The following SOCS2 variants were observed in gnomAD, a reference collection of about 807,000 sequenced individuals.
The protein encoded by SOCS2 is CIS-2.
SOCS2 carries 10 observed loss-of-function variants against 18.6 expected under a neutral mutation model. The observed-to-expected ratio is 0.54, with a 90% confidence interval of 0.33 to 0.91. SOCS2 has a LOEUF of 0.91. Among genes scored for constraint, SOCS2 ranks in the 40% least tolerant of loss-of-function variants. The pLI is 0.02. For missense variants in SOCS2, 231 were observed against 247.2 expected, an observed-to-expected ratio of 0.93 and a Z score of 0.44; for synonymous variants, 104 against 104.0, an observed-to-expected ratio of 1.00 and a Z score of 0.00.
the SOCS2 span, among the ~76,000 whole-genome samples, chr12:93,618,152 G>T: frequency 6.6e-6 from 1 of 152,130 alleles, no homozygotes; most frequent in African/African-American, 2.4e-5. Context: ...AGATGTGCCT[G>T]CTTACCCTTT....
chr12:93,599,836 C>G, the SOCS2 span, among the ~76,000 whole-genome samples: 2 of 152,168 alleles, frequency 1.3e-5, no homozygotes, highest in Non-Finnish European at 1.5e-5. Flanking sequence ...AAGGCCCTTG[C>G]CAGATGCTGG....
At chr12:93,603,082 C>T in the SOCS2 span, among the ~76,000 whole-genome samples, 5 of 152,246 alleles carry the variant, frequency 3.3e-5, no homozygotes, top group South Asian at 2.1e-4. Context: ...GAGACCAAGT[C>T]GTAGCTGTTC....
At chr12:93,577,334 T>G (rs181297021), downstream of SOCS2, among the ~76,000 whole-genome samples, 12 of 152,150 alleles carry the variant, frequency 7.9e-5, no homozygotes, top group African/African-American at 2.4e-4. Flanking sequence ...TTTTTGGTTT[T>G]GTTTTGTTTT....
At chr12:93,590,273 T>G in the SOCS2 span, among the ~76,000 whole-genome samples, 1 of 151,886 alleles carries the variant, frequency 6.6e-6, no homozygotes, top group Non-Finnish European at 1.5e-5. Context: ...TATTTGGACT[T>G]TTAAGCATTA....
At chr12:93,616,022 T>C in the SOCS2 span, among the ~76,000 whole-genome samples, 1 of 152,244 alleles carries the variant, frequency 6.6e-6, no homozygotes, top group Non-Finnish European at 1.5e-5. Context: ...CTAAGGAAGA[T>C]ATCCATTGCT....
chr12:93,614,480 T>TTTCTTTCC, the SOCS2 span, among the ~76,000 whole-genome samples: 3 of 26,150 alleles, frequency 1.1e-4, no homozygotes, highest in South Asian at 1.6e-3. Flanking sequence ...CCTTCCTTCC[T>TTTCTTTCC]TTCCTTCCTT....
In SOCS2 at chr12:93,575,019, G is replaced by T; in HGVS notation, c.437G>T (p.Gly146Val). Residue 146 changes from glycine to valine, a missense_variant, in exon 2 of 2, where the codon GGC becomes GTC. Gly to Val is a moderately radical substitution (Grantham distance 109, BLOSUM62 -3). Coordinates refer to ENST00000551556, the MANE Select transcript of SOCS2 (RefSeq NM_001270471.2). ...ACAGGTCCAGAAGCCCCCCGGAACG[G>T]CACTGTTCACCTTTATCTGACCAAA... ...KRTGPEAPRN[G>V]TVHLYLTKPL... The T allele has an allele frequency of 6.2e-7, 1 of 1,614,056 alleles. No individual in the cohort carries two copies. Among genetic ancestry groups the T allele is most frequent in the Non-Finnish European group, 8.5e-7 (1 of 1,179,960 alleles).
At chr12:93,620,956 A>G in the SOCS2 span, among the ~76,000 whole-genome samples, 1 of 152,146 alleles carries the variant, frequency 6.6e-6, no homozygotes, top group African/African-American at 2.4e-5. Flanking sequence ...GTCCAGCCAT[A>G]TCCATCTATC....
intron 1 of SOCS2, 124 bp from the exon 2 acceptor site, chr12:93,574,598 C>A (rs1439669939): frequency 3.2e-6 from 2 of 628,994 alleles, no homozygotes; most frequent in Non-Finnish European, 4.9e-6. Flanking sequence ...CGCTCACACA[C>A]CACCTTTTTT....
the SOCS2 span, among the ~76,000 whole-genome samples, chr12:93,605,328 T>C: frequency 1.3e-5 from 2 of 152,142 alleles, no homozygotes; most frequent in African/African-American, 4.8e-5. Flanking sequence ...TATGTATTGC[T>C]TATGGATACT....
chr12:93,585,722 G>A (rs1018215108), downstream of SOCS2, among the ~76,000 whole-genome samples: 2 of 151,862 alleles, frequency 1.3e-5, no homozygotes, highest in African/African-American at 4.8e-5. Context: ...TCTCTCCTTC[G>A]TGTAAGCCAA....
In SOCS2 at chr12:93,575,009, C is replaced by A. The variant is rs1954415512; in HGVS notation, c.427C>A (p.Pro143Thr). Residue 143 changes from proline (P) to threonine (T), a missense_variant, in exon 2 of 2, where the codon CCC becomes ACC. Physicochemically the swap from Pro to Thr is conservative, Grantham distance 38 (BLOSUM62 -1). Around this residue, in one of 3 missense-constraint regions of SOCS2, gnomAD observed 122 missense variants for 127.2 expected, o/e 0.96. Transcript: ENST00000551556. ...GGATAAGCGGACAGGTCCAGAAGCC[C>A]CCCGGAACGGCACTGTTCACCTTTA... ...CKDKRTGPEA[P>T]RNGTVHLYLT... is the part of the protein sequence containing the mutation. 6.2e-7 allele frequency: 1 copy of A among 1,613,980 alleles called. No homozygotes were observed. Among genetic ancestry groups the A allele is most frequent in the South Asian group, 1.1e-5 (1 of 91,064 alleles).
At chr12:93,580,014 T>G (rs1488709639), downstream of SOCS2, among the ~76,000 whole-genome samples, 69 of 152,204 alleles carry the variant, frequency 4.5e-4, 1 homozygote, top group Admixed American at 4.4e-3. Context: ...TGGCTTTGCC[T>G]CTCTTAGAGA....
downstream of SOCS2, among the ~76,000 whole-genome samples, chr12:93,577,329 GGTTTT>G (rs998417360): frequency 4.1e-4 from 62 of 152,082 alleles, no homozygotes; most frequent in Middle Eastern, 6.8e-3. Flanking sequence ...AATTATTTTT[GGTTTT>G]GTTTTGTTTT....
At chr12:93,597,258 A>G in the SOCS2 span, among the ~76,000 whole-genome samples, 1 of 152,200 alleles carries the variant, frequency 6.6e-6, no homozygotes, top group African/African-American at 2.4e-5. Context: ...CTACCCATTT[A>G]TAGTGACTCC....
intron 1 of SOCS2, among the ~76,000 whole-genome samples, chr12:93,582,024 T>C (rs1008102885): frequency 7.2e-5 from 11 of 152,192 alleles, no homozygotes; most frequent in African/African-American, 2.7e-4. Context: ...CCATATTGTA[T>C]AGGAGCTGTA....
the SOCS2 span, among the ~76,000 whole-genome samples, chr12:93,598,697 G>A: frequency 2.0e-5 from 3 of 152,112 alleles, no homozygotes; most frequent in African/African-American, 7.2e-5. Flanking sequence ...CAATCTATGA[G>A]TACAGTATAA....
At chr12:93,609,088 T>A in the SOCS2 span, among the ~76,000 whole-genome samples, 2 of 151,884 alleles carry the variant, frequency 1.3e-5, no homozygotes, top group East Asian at 3.9e-4. Context: ...GGTGACACCC[T>A]GTCTCTATTT....
chr12:93,617,198 G>A, the SOCS2 span, among the ~76,000 whole-genome samples: 2 of 152,222 alleles, frequency 1.3e-5, no homozygotes, highest in Non-Finnish European at 2.9e-5. Context: ...AGCAGGAACA[G>A]AAATTGTGGG....
Sources: allele counts gnomAD v4.1 joint callset (sites outside exome capture counted in the v4.1 genomes callset), GRCh38; gene constraint gnomAD v4.1.1; regional missense constraint gnomAD v4.1.1; transcripts MANE v1.5; gene names NCBI Gene and HGNC (gene_info 2026-07-23, HGNC 2026-07-21).